Variants in MARCHF5 observed in about 807,000 individuals in gnomAD.
MARCHF5 encodes membrane associated ring-CH-type finger 5.
A neutral mutation model predicts 36.5 loss-of-function variants in MARCHF5; 5 were observed. That is an observed-to-expected ratio of 0.14 (90% CI 0.07 to 0.29). The LOEUF (loss-of-function observed/expected upper bound fraction) is 0.29, where lower values mean the gene tolerates loss of function less well. Among genes scored for constraint, MARCHF5 ranks in the 10% least tolerant of loss-of-function variants. The pLI is 1.00. For missense variants in MARCHF5, 179 were observed against 336.3 expected (o/e 0.53, Z 3.66); for synonymous variants, 103 against 109.9 (o/e 0.94, Z 0.39).
Position 92,351,789 on chromosome 10 carries a change from A to G in MARCHF5, c.*582A>G, listed in dbSNP as rs1166032793. On this transcript the variant is annotated 3_prime_UTR_variant, in exon 6 of 6. Coordinates refer to ENST00000358935, the MANE Select transcript of MARCHF5 (RefSeq NM_017824.5). ...TCTTTAACCCATGTGATGTCCTCCA[A>G]AATGTGTAGGGTAAAAATTCACAGG... 6.6e-6 allele frequency: 1 copy of G among 152,628 alleles called. No homozygotes were observed. The highest frequency in any genetic ancestry group is 1.5e-5 in the Non-Finnish European group (1 of 68,032). 9.5% of individuals were successfully genotyped at this position (152,628 alleles called of 1,614,324 possible).
intron 2 of MARCHF5, among the ~76,000 whole-genome samples, chr10:92,312,188 T>C (rs1206413070): frequency 6.6e-6 from 1 of 152,190 alleles, no homozygotes; most frequent in Non-Finnish European, 1.5e-5. Flanking sequence ...AATTATTATA[T>C]ATATTGTTTT....
intron 1 of MARCHF5, among the ~76,000 whole-genome samples, chr10:92,294,241 C>G (rs1326142372): frequency 6.6e-6 from 1 of 152,084 alleles, no homozygotes; most frequent in Admixed American, 6.5e-5. Context: ...TCGAATTTTG[C>G]CACTTACTAG....
At chr10:92,296,366 C>T (rs1217784801) in intron 1 of MARCHF5, among the ~76,000 whole-genome samples, 1 of 151,926 alleles carries the variant, frequency 6.6e-6, no homozygotes, top group Non-Finnish European at 1.5e-5. Context: ...ATTCATAAGC[C>T]CAAACCCTTT....
rs537335119 is a variant in MARCHF5, at chr10:92,303,779, T to G, written c.36-7356T>G. On this transcript the variant is annotated intron_variant, in intron 1 of 5. Transcript: ENST00000358935. ...AAACCATCATAATTTTAAAATCACATGGAATTATATTACCCATACCAGTAA... is the reference window on the plus strand; with the variant it reads ...AAACCATCATAATTTTAAAATCACAGGGAATTATATTACCCATACCAGTAA... 5.3e-5 allele frequency among the ~76,000 whole-genome samples: 8 copies of G among 152,314 alleles called. No individual in the cohort carries two copies. In the East Asian group the frequency reaches 1.3e-3, roughly 26 times the overall value.
At chr10:92,307,128 T>A (rs1843082642) in intron 1 of MARCHF5, among the ~76,000 whole-genome samples, 2 of 151,408 alleles carry the variant, frequency 1.3e-5, no homozygotes, top group South Asian at 4.2e-4. Context: ...GAGTCTAGCC[T>A]GGACAACAGA....
intron 2 of MARCHF5, among the ~76,000 whole-genome samples, chr10:92,339,745 C>T (rs1323635956): frequency 6.6e-6 from 1 of 152,046 alleles, no homozygotes; most frequent in African/African-American, 2.4e-5. Flanking sequence ...GGCTGAGACC[C>T]TTCCATTCTT....
intron 1 of MARCHF5, among the ~76,000 whole-genome samples, chr10:92,303,725 T>C (rs1296767146): frequency 6.6e-6 from 1 of 152,230 alleles, no homozygotes; most frequent in Non-Finnish European, 1.5e-5. Context: ...TACTGTTTAC[T>C]CTTTATTAGT....
chr10:92,310,659 T>C (rs561274310), intron 1 of MARCHF5, among the ~76,000 whole-genome samples: 1 of 152,312 alleles, frequency 6.6e-6, no homozygotes, highest in Admixed American at 6.5e-5. Context: ...GGTTTTTTTT[T>C]CCTCAGCTGA....
At chr10:92,326,087 G>A (rs1843355182) in intron 2 of MARCHF5, among the ~76,000 whole-genome samples, 1 of 152,220 alleles carries the variant, frequency 6.6e-6, no homozygotes, top group South Asian at 2.1e-4. Flanking sequence ...TAAGTGGAGT[G>A]TAAATGCTTA....
At chr10:92,329,794 TA>T (rs1380359932) in intron 2 of MARCHF5, among the ~76,000 whole-genome samples, 1 of 152,216 alleles carries the variant, frequency 6.6e-6, no homozygotes, top group African/African-American at 2.4e-5. Flanking sequence ...TCCTATTCCA[TA>T]GTGATTTAGT....
chr10:92,311,566 G>C (rs192996170), intron 2 of MARCHF5, among the ~76,000 whole-genome samples: 97 of 151,980 alleles, frequency 6.4e-4, no homozygotes, highest in Middle Eastern at 3.4e-3. Context: ...CTGTCTGTTT[G>C]ATAGAAAGGA....
chr10:92,349,954 CTA>C lies in MARCHF5; in HGVS notation c.720+119_720+120del, dbSNP rs950771036. The C allele has an allele frequency of 1.1e-5, 8 of 743,724 alleles. No homozygotes were observed. In the African/African-American group the frequency reaches 1.4e-4, roughly 13 times the overall value. The allele number at this position is 743,724 out of a possible 1,614,324, so 46.1% of individuals were successfully genotyped here. On this transcript the variant is annotated intron_variant, in intron 5 of 5. Coordinates refer to ENST00000358935, the MANE Select transcript of MARCHF5 (RefSeq NM_017824.5). ...TCTGTGGCTCCTATGCATTAAGCCT[CTA>C]TTTGAGCCTCACTATCATTCAATAG... is the stretch of plus-strand genomic sequence containing the variant.
chr10:92,349,308 TG>T lies in MARCHF5; in HGVS notation c.370-40del, dbSNP rs778054509. The T allele has an allele frequency of 2.8e-6, 4 of 1,437,104 alleles. No homozygotes were observed. The East Asian group carries it at 7.1e-5, about 25-fold the overall frequency. 89.0% of individuals were successfully genotyped at this position (1,437,104 alleles called of 1,614,324 possible). ...AGAGCTTAACATGCAACACCTCATT[TG>T]AAAAAGAAGTAATTCTAATATATGC... On this transcript the variant is annotated intron_variant, in intron 3 of 5. Transcript: ENST00000358935.
chr10:92,328,838 A>G (rs1843402624), intron 2 of MARCHF5, among the ~76,000 whole-genome samples: 1 of 124,272 alleles, frequency 8.0e-6, no homozygotes, highest in African/African-American at 3.0e-5. Context: ...TTTTTTTTAC[A>G]GGAATATCTG....
chr10:92,301,733 G>A (rs1843014381), intron 1 of MARCHF5, among the ~76,000 whole-genome samples: 1 of 152,152 alleles, frequency 6.6e-6, no homozygotes, highest in African/African-American at 2.4e-5. Context: ...ACATCCTCCT[G>A]TACACTTTAC....
At chr10:92,319,345 G>A (rs1843258873) in intron 2 of MARCHF5, among the ~76,000 whole-genome samples, 1 of 150,888 alleles carries the variant, frequency 6.6e-6, no homozygotes, top group Non-Finnish European at 1.5e-5. Flanking sequence ...GCCCAGGCTG[G>A]AGTGCAGTGG....
intron 2 of MARCHF5, among the ~76,000 whole-genome samples, chr10:92,330,876 C>T (rs540180256): frequency 1.3e-5 from 2 of 152,262 alleles, no homozygotes; most frequent in East Asian, 1.9e-4. Context: ...ACAGCAGACC[C>T]AACCTAATCC....
chr10:92,350,889 CCT>C (rs1468204216), intron 5 of MARCHF5, among the ~76,000 whole-genome samples, 200 bp from the exon 6 acceptor site: 1 of 152,054 alleles, frequency 6.6e-6, no homozygotes, highest in Non-Finnish European at 1.5e-5. Flanking sequence ...ATCTGTGTCC[CCT>C]GTTACCTGTA....
intron 2 of MARCHF5, among the ~76,000 whole-genome samples, chr10:92,336,305 G>A (rs180686553): frequency 1.5e-3 from 222 of 152,336 alleles, no homozygotes; most frequent in African/African-American, 5.1e-3. Flanking sequence ...CCAAAGTGCT[G>A]GGATTACAGG....
Sources: gnomAD v4.1 joint callset for allele counts (sites outside exome capture counted in the v4.1 genomes callset) on GRCh38, gnomAD v4.1.1 for gene constraint, MANE v1.5 for transcripts, NCBI Gene and HGNC (gene_info 2026-07-23, HGNC 2026-07-21) for gene names.